The following TRIM16 variants were observed in gnomAD, a reference collection of about 807,000 sequenced individuals.
The protein encoded by TRIM16 is tripartite motif containing 16, also known as tripartite motif-containing protein 16.
In TRIM16, 33 loss-of-function variants were observed where a neutral mutation model predicts 50.4. The observed-to-expected ratio is 0.65, with a 90% CI of 0.50 to 0.88. The LOEUF (loss-of-function observed/expected upper bound fraction) is 0.88. Among genes scored for constraint, TRIM16 ranks in the 40% least tolerant of loss-of-function variants. The pLI is 0.00. For synonymous variants in TRIM16, 229 were observed against 270.7 expected (o/e 0.85, Z 1.51); for missense variants, 581 against 686.8 (o/e 0.85, Z 1.72).
At chr17:15,630,793 C>T (rs1478694460) in intron 11 of TRIM16, among the ~76,000 whole-genome samples, 3 of 150,666 alleles carry the variant, frequency 2.0e-5, no homozygotes, top group Non-Finnish European at 4.4e-5. Flanking sequence ...GTACCCCAGT[C>T]TGGGCAACAG....
At chr17:15,638,536 C>T (rs1050577476) in intron 8 of TRIM16, among the ~76,000 whole-genome samples, 1 of 149,298 alleles carries the variant, frequency 6.7e-6, no homozygotes, top group African/African-American at 2.5e-5. Flanking sequence ...CGCCACTGCA[C>T]TCCAGCCCTA....
chr17:15,644,070 G>A (rs1214473260), intron 7 of TRIM16, among the ~76,000 whole-genome samples: 2 of 152,190 alleles, frequency 1.3e-5, no homozygotes, highest in Non-Finnish European at 2.9e-5. Context: ...CACGGGGCAA[G>A]GGATGTGGGA....
At chr17:15,646,167 G>T (rs1426041892) in intron 7 of TRIM16, among the ~76,000 whole-genome samples, 1 of 152,164 alleles carries the variant, frequency 6.6e-6, no homozygotes, top group East Asian at 1.9e-4. Flanking sequence ...TAAAAGGAGA[G>T]AAAAGGACTC....
At chr17:15,653,226 C>T (rs1426291361) in intron 6 of TRIM16, among the ~76,000 whole-genome samples, 1 of 152,260 alleles carries the variant, frequency 6.6e-6, no homozygotes, top group East Asian at 1.9e-4. Flanking sequence ...TCCCCTACCC[C>T]TTCCACTGTG....
Position 15,648,268 on chromosome 17 carries a change from A to C in TRIM16, c.519+2823T>G, listed in dbSNP as rs1050996014. ...AAAAACAAACAAACAAACAAACAAA[A>C]AAACACAAAGGGGCCTGGAGATGCT... On this transcript the variant is annotated intron_variant, in intron 7 of 11. Transcript: ENST00000649191. Among the ~76,000 whole-genome samples the C allele has an allele frequency of 7.2e-5, 11 of 151,904 alleles. No homozygotes were observed. The East Asian group carries it at 7.7e-4, about 11-fold the overall frequency.
At chr17:15,665,343 A>G (rs1988446199) in intron 6 of TRIM16, among the ~76,000 whole-genome samples, 1 of 151,892 alleles carries the variant, frequency 6.6e-6, no homozygotes, top group African/African-American at 2.4e-5. Flanking sequence ...CCCCATCTCT[A>G]CTAAAAACAC....
rs1235744956 is a variant in TRIM16 at position 15,635,958 on chromosome 17, A to G, written c.849+78T>C. On this transcript the variant is annotated intron_variant, in intron 9 of 11. Transcript: ENST00000649191. ...TTTAACAAAAAACAGTTCCATTCAC[A>G]GATGGCCATGGGCCTAGCAAAGAGA... 3 of 1,449,074 alleles carry G rather than the reference A, an allele frequency of 2.1e-6. No homozygotes were observed. In the African/African-American group the frequency reaches 4.4e-5, roughly 21 times the overall value. The allele number at this position is 1,449,074 out of a possible 1,614,324, so 89.8% of individuals were successfully genotyped here.
intron 6 of TRIM16, among the ~76,000 whole-genome samples, chr17:15,664,638 C>T (rs1597656152): frequency 6.6e-6 from 1 of 152,330 alleles, no homozygotes; most frequent in Admixed American, 6.5e-5. Context: ...GCTAGACAGA[C>T]TACGTCCTAG....
intron 8 of TRIM16, among the ~76,000 whole-genome samples, chr17:15,638,489 G>A (rs1986958923): frequency 6.7e-6 from 1 of 148,870 alleles, no homozygotes; most frequent in Non-Finnish European, 1.5e-5. Context: ...AGAATGGCAT[G>A]AACCTAGGAA....
intron 6 of TRIM16, among the ~76,000 whole-genome samples, chr17:15,655,722 C>G (rs1159364308): frequency 2.0e-5 from 3 of 152,104 alleles, no homozygotes; most frequent in Admixed American, 2.0e-4. Context: ...CTACACGCAC[C>G]CACCACCATG....
At chr17:15,681,146 A>C in intron 3 of TRIM16, 193 bp from the exon 4 acceptor site, 1 of 498,640 alleles carries the variant, frequency 2.0e-6, no homozygotes, top group Non-Finnish European at 3.5e-6. Context: ...ACTCAGGGAA[A>C]GGTATGACCA....
In TRIM16 at chr17:15,639,045, C is replaced by CT. The variant is rs529832460; in HGVS notation, c.616-2777dup. Among the ~76,000 whole-genome samples, 509 of 100,896 alleles carry CT rather than the reference C, an allele frequency of 5.0e-3. 14 individuals are homozygous for CT. Among genetic ancestry groups the CT allele is most frequent in the Non-Finnish European group, 6.3e-3 (346 of 55,114 alleles). The allele number at this position is 100,896 out of a possible 152,430, so 66.2% of individuals were successfully genotyped here. On this transcript the variant is annotated intron_variant, in intron 8 of 11. Transcript: ENST00000649191. The stretch of plus-strand genomic sequence containing the variant: ...GACAATCTCCCTACATTCTCTCTCT[C>CT]TTTTTTTTTTTTTTTTTTTTTTTTT...
chr17:15,654,668 T>C (rs965139588), intron 6 of TRIM16, among the ~76,000 whole-genome samples: 1 of 152,202 alleles, frequency 6.6e-6, no homozygotes, highest in Non-Finnish European at 1.5e-5. Context: ...TTGTAAAACA[T>C]GTTTTTTCCT....
intron 4 of TRIM16, among the ~76,000 whole-genome samples, chr17:15,679,924 G>C (rs9912670): frequency 7.3e-6 from 1 of 137,866 alleles, no homozygotes; most frequent in Non-Finnish European, 1.5e-5. Context: ...GCGAGAGAGC[G>C]AGACTATGTC....
At chr17:15,637,247 C>G (rs1242767481) in intron 8 of TRIM16, among the ~76,000 whole-genome samples, 2 of 108,442 alleles carry the variant, frequency 1.8e-5, no homozygotes, top group Non-Finnish European at 4.1e-5. Context: ...CCCGGCCAGC[C>G]GCCCCGTCCG....
chr17:15,650,902 CCA>C (rs979927007), intron 7 of TRIM16, among the ~76,000 whole-genome samples, 187 bp downstream of exon 7: 4 of 152,300 alleles, frequency 2.6e-5, no homozygotes, highest in South Asian at 2.1e-4. Flanking sequence ...GCAACCTACT[CCA>C]CACAGTTTCC....
chr17:15,663,538 A>C (rs1251619782), intron 6 of TRIM16, among the ~76,000 whole-genome samples: 1 of 152,208 alleles, frequency 6.6e-6, no homozygotes, highest in Non-Finnish European at 1.5e-5. Context: ...GAGGATAAAG[A>C]AACAGAAAAA....
intron 6 of TRIM16, among the ~76,000 whole-genome samples, chr17:15,670,774 G>A (rs1354732067): frequency 1.3e-5 from 2 of 152,190 alleles, no homozygotes; most frequent in East Asian, 3.8e-4. Context: ...TTCTAGTGTT[G>A]GGGTCCTATA....
chr17:15,637,085 G>A (rs1438314165), intron 8 of TRIM16, among the ~76,000 whole-genome samples: 9 of 143,386 alleles, frequency 6.3e-5, no homozygotes, highest in African/African-American at 2.1e-4. Flanking sequence ...GAGCGTCTCC[G>A]CCCGGCAGCC....
Sources: gnomAD v4.1 joint callset for allele counts (sites outside exome capture counted in the v4.1 genomes callset) on GRCh38, gnomAD v4.1.1 for gene constraint, MANE v1.5 for transcripts, NCBI Gene and HGNC (gene_info 2026-07-23, HGNC 2026-07-21) for gene names.